The following CORIN variants were observed in gnomAD, a reference collection of about 807,000 sequenced individuals.
The protein encoded by CORIN is atrial natriuretic peptide-converting enzyme.
CORIN carries 117 observed loss-of-function variants against 125.3 expected under a neutral mutation model. The ratio of observed to expected loss-of-function variants is 0.93; its 90% CI spans 0.80 to 1.09. The LOEUF is 1.09. Among genes scored for constraint, CORIN ranks in the 50% least tolerant of loss-of-function variants. CORIN has a pLI of 0.00. For synonymous variants in CORIN, 450 were observed against 466.4 expected, an observed-to-expected ratio of 0.96 and a Z score of 0.45; for missense variants, 1,253 against 1,306.7, an observed-to-expected ratio of 0.96 and a Z score of 0.63.
intron 5 of CORIN, among the ~76,000 whole-genome samples, chr4:47,731,608 C>T (rs144042180): frequency 6.6e-6 from 1 of 152,254 alleles, no homozygotes; most frequent in East Asian, 1.9e-4. Flanking sequence ...CGGTGGCTCA[C>T]GCCTGTAAAC....
At chr4:47,764,002 T>C (rs1729591376) in intron 3 of CORIN, among the ~76,000 whole-genome samples, 1 of 152,176 alleles carries the variant, frequency 6.6e-6, no homozygotes, top group African/African-American at 2.4e-5. Context: ...TGGATTTATC[T>C]ACGGGGATCT....
At chr4:47,614,776 A>T (rs1355451509) in intron 19 of CORIN, among the ~76,000 whole-genome samples, 3 of 152,184 alleles carry the variant, frequency 2.0e-5, no homozygotes. Context: ...ACAAGTATTT[A>T]TTGAGTGGCT....
At chr4:47,600,112 T>G (rs1307711344) in intron 21 of CORIN, 102 bp downstream of exon 21, 1 of 1,071,958 alleles carries the variant, frequency 9.3e-7, no homozygotes, top group Non-Finnish European at 1.3e-6. Flanking sequence ...CAAATGATTT[T>G]CAAAAAATGT....
chr4:47,670,193 G>C lies in CORIN; in HGVS notation c.1357+4200C>G, dbSNP rs569256705. ...TCACAAGACTAGAAGTGGCTAAGCT[G>C]TTCTTTCACCAGAAGCCACATCATT... On this transcript the variant is annotated intron_variant, in intron 10 of 21. Transcript: ENST00000273857. Among the ~76,000 whole-genome samples, 96 of 152,304 alleles carry C rather than the reference G, an allele frequency of 6.3e-4. 1 individual carries two copies. Among genetic ancestry groups the C allele is most frequent in the Non-Finnish European group, 9.8e-4 (67 of 68,030 alleles).
At chr4:47,597,697 G>C (rs1160661518) in intron 21 of CORIN, among the ~76,000 whole-genome samples, 1 of 152,202 alleles carries the variant, frequency 6.6e-6, no homozygotes, top group Admixed American at 6.5e-5. Flanking sequence ...AGCTATTGAA[G>C]TGGAACTATT....
chr4:47,708,640 C>T (rs1577849753), intron 5 of CORIN, among the ~76,000 whole-genome samples: 1 of 152,176 alleles, frequency 6.6e-6, no homozygotes, highest in African/African-American at 2.4e-5. Flanking sequence ...TCCATACCAA[C>T]AACCACCTGC....
intron 5 of CORIN, among the ~76,000 whole-genome samples, chr4:47,723,726 C>T (rs1309105664): frequency 6.6e-6 from 1 of 152,052 alleles, no homozygotes; most frequent in African/African-American, 2.4e-5. Context: ...AGGCCAGGCA[C>T]GGTGGCTCAT....
chr4:47,765,310 C>A (rs1342622473), intron 3 of CORIN, among the ~76,000 whole-genome samples: 1 of 150,336 alleles, frequency 6.7e-6, no homozygotes, highest in Non-Finnish European at 1.5e-5. Flanking sequence ...GACTCCGTCC[C>A]CCAAAAAAAA....
chr4:47,620,044 A>G (rs1371612045), intron 19 of CORIN, among the ~76,000 whole-genome samples: 2 of 152,174 alleles, frequency 1.3e-5, no homozygotes, highest in Non-Finnish European at 2.9e-5. Flanking sequence ...ATTTCCCCCA[A>G]AATAGCAATC....
intron 1 of CORIN, among the ~76,000 whole-genome samples, chr4:47,812,195 A>C (rs888295342): frequency 6.6e-6 from 1 of 152,152 alleles, no homozygotes; most frequent in African/African-American, 2.4e-5. Flanking sequence ...GTAGAAAAAA[A>C]ATTATCAACA....
intron 4 of CORIN, among the ~76,000 whole-genome samples, chr4:47,757,878 G>A (rs367925640): frequency 0.076 from 9,353 of 123,592 alleles, 487 homozygotes; most frequent in Middle Eastern, 0.12. Flanking sequence ...ATATATATAT[G>A]TATATATATA....
intron 10 of CORIN, among the ~76,000 whole-genome samples, chr4:47,671,811 A>T (rs553797226): frequency 6.6e-6 from 1 of 151,774 alleles, no homozygotes; most frequent in East Asian, 1.9e-4. Flanking sequence ...GGATGGTCTC[A>T]ATCTCCTGAC....
intron 6 of CORIN, among the ~76,000 whole-genome samples, chr4:47,684,732 G>A (rs1386639173): frequency 6.6e-6 from 1 of 152,116 alleles, no homozygotes; most frequent in African/African-American, 2.4e-5. Flanking sequence ...TTATATGTAT[G>A]ATAAAGAAAT....
At chr4:47,765,190 G>T (rs1432070481) in intron 3 of CORIN, among the ~76,000 whole-genome samples, 1 of 151,626 alleles carries the variant, frequency 6.6e-6, no homozygotes, top group East Asian at 2.0e-4. Context: ...GGGCGTTGTG[G>T]GGGGCGTGGT....
At chr4:47,806,717 A>G (rs1731811197) in intron 2 of CORIN, among the ~76,000 whole-genome samples, 186 bp downstream of exon 2, 1 of 152,220 alleles carries the variant, frequency 6.6e-6, no homozygotes, top group African/African-American at 2.4e-5. Context: ...ATTCATTAAT[A>G]TTAATAATAA....
At chr4:47,717,255 C>T (rs1181164311) in intron 5 of CORIN, among the ~76,000 whole-genome samples, 4 of 152,168 alleles carry the variant, frequency 2.6e-5, no homozygotes, top group Non-Finnish European at 5.9e-5. Context: ...CCAGTACACA[C>T]TCAATTTTAC....
At chr4:47,794,447 CA>C (rs943569622) in intron 2 of CORIN, among the ~76,000 whole-genome samples, 9 of 152,070 alleles carry the variant, frequency 5.9e-5, no homozygotes, top group South Asian at 2.1e-4. Context: ...CTCATTTACT[CA>C]AAAAATTAAG....
At chr4:47,669,332 A>C (rs1462061560) in intron 10 of CORIN, among the ~76,000 whole-genome samples, 1 of 152,164 alleles carries the variant, frequency 6.6e-6, no homozygotes, top group African/African-American at 2.4e-5. Context: ...GAAAAATGTG[A>C]CTTTTCTACA....
At chr4:47,615,400 A>G (rs1223987845) in intron 19 of CORIN, among the ~76,000 whole-genome samples, 1 of 152,178 alleles carries the variant, frequency 6.6e-6, no homozygotes. Flanking sequence ...CAAATAGGAA[A>G]CTGTTTCAGT....
Sources: allele counts gnomAD v4.1 joint callset (sites outside exome capture counted in the v4.1 genomes callset), GRCh38; gene constraint gnomAD v4.1.1; transcripts MANE v1.5; gene names NCBI Gene and HGNC (gene_info 2026-07-23, HGNC 2026-07-21).